LRRC37A: variants seen among roughly 807,000 people sequenced by gnomAD.
LRRC37A encodes leucine rich repeat containing 37A.
In LRRC37A, 3 loss-of-function variants were observed where a neutral mutation model predicts 35.4. That is an observed-to-expected ratio of 0.08 (90% confidence interval 0.04 to 0.22). LRRC37A has a LOEUF of 0.22. LRRC37A is among the 10% of genes least tolerant of loss of function. The pLI, the probability that LRRC37A is intolerant of heterozygous loss-of-function variation, is 1.00. For synonymous variants in LRRC37A, 23 were observed against 215.0 expected (o/e 0.11, Z 7.81); for missense variants, 67 against 565.3 (o/e 0.12, Z 8.94).
In LRRC37A at chr17:46,314,391, T is replaced by G. The variant is rs545083275; in HGVS notation, c.2907-7931T>G. On this transcript the variant is annotated intron_variant, in intron 5 of 13. Transcript: ENST00000320254. ...AGGTATTTGACATATTTTGCATCAA[T>G]TCTTATAATCGTGTGAGATGTAGGG... Among the ~76,000 whole-genome samples, 164 of 71,710 alleles carry G rather than the reference T, an allele frequency of 2.3e-3. 32 individuals are homozygous for G. The highest frequency in any genetic ancestry group is 5.7e-3 in the African/African-American group (155 of 27,316). 47.0% of individuals were successfully genotyped at this position (71,710 alleles called of 152,430 possible).
chr17:46,282,009 C>T, the LRRC37A span, among the ~76,000 whole-genome samples: 6 of 152,120 alleles, frequency 3.9e-5, no homozygotes, highest in Non-Finnish European at 7.4e-5. Flanking sequence ...TTCTTGCTTC[C>T]TTGCCTATAT....
chr17:46,269,033 A>G, the LRRC37A span, among the ~76,000 whole-genome samples: 2 of 152,228 alleles, frequency 1.3e-5, no homozygotes, highest in African/African-American at 4.8e-5. Context: ...TCCACAAAAC[A>G]TTTTCCTGAA....
the LRRC37A span, among the ~76,000 whole-genome samples, chr17:46,287,258 A>G: frequency 6.6e-6 from 1 of 152,270 alleles, no homozygotes; most frequent in Non-Finnish European, 1.5e-5. Flanking sequence ...ACTGATGGTA[A>G]TGTCTTCCTC....
the LRRC37A span, among the ~76,000 whole-genome samples, chr17:46,277,558 T>A: frequency 6.6e-6 from 1 of 152,214 alleles, no homozygotes. Flanking sequence ...TGTCCTACCT[T>A]AACTCCCTCT....
chr17:46,291,564 C>T (rs1189911981), upstream of LRRC37A, among the ~76,000 whole-genome samples: 1 of 151,438 alleles, frequency 6.6e-6, no homozygotes, highest in Non-Finnish European at 1.5e-5. Context: ...AAACAACACT[C>T]CTCTCACTCA....
the LRRC37A span, among the ~76,000 whole-genome samples, chr17:46,272,050 A>G: frequency 6.6e-6 from 1 of 152,262 alleles, no homozygotes; most frequent in Admixed American, 6.5e-5. Flanking sequence ...GTGAGCCACC[A>G]TGCCCAGCCA....
rs1362479757 is a variant in LRRC37A, at chr17:46,315,303, T to C, written c.2907-7019T>C. Among the ~76,000 whole-genome samples the C allele has an allele frequency of 5.7e-5, 5 of 87,238 alleles. 1 individual carries two copies. Among genetic ancestry groups the C allele is most frequent in the East Asian group, 2.4e-4 (1 of 4,160 alleles). The allele number at this position is 87,238 out of a possible 152,430, so 57.2% of individuals were successfully genotyped here. ...ACTTTGGGAGGCTGCGGTGGGAGGA[T>C]TGCTTGACCCCAGGAGTTCAAGGCC... is the stretch of plus-strand genomic sequence containing the variant. On this transcript the variant is annotated intron_variant, in intron 5 of 13. Coordinates refer to ENST00000320254, the Ensembl canonical transcript of LRRC37A.
the LRRC37A span, among the ~76,000 whole-genome samples, chr17:46,283,471 A>G: frequency 6.6e-6 from 1 of 152,258 alleles, no homozygotes; most frequent in Non-Finnish European, 1.5e-5. Context: ...GAGTCACTAC[A>G]TCAATGAACC....
the LRRC37A span, among the ~76,000 whole-genome samples, chr17:46,250,868 TCTC>T: frequency 2.0e-5 from 3 of 152,106 alleles, no homozygotes; most frequent in Non-Finnish European, 4.4e-5. Context: ...CCTTCCCCTT[TCTC>T]CTCTTCCTCT....
At chr17:46,253,445 C>T in the LRRC37A span, among the ~76,000 whole-genome samples, 4 of 152,152 alleles carry the variant, frequency 2.6e-5, no homozygotes, top group Non-Finnish European at 5.9e-5. Context: ...CCACTGCACT[C>T]CAGCCTGGGC....
chr17:46,260,762 T>A, the LRRC37A span, among the ~76,000 whole-genome samples: 5 of 152,162 alleles, frequency 3.3e-5, no homozygotes, highest in Admixed American at 3.3e-4. Context: ...TAGCTGGGAT[T>A]ACAGGCATGC....
chr17:46,271,334 T>A, the LRRC37A span, among the ~76,000 whole-genome samples: 2 of 72,344 alleles, frequency 2.8e-5, no homozygotes, highest in South Asian at 7.3e-4. Flanking sequence ...CCTAGCTAAT[T>A]TTTTTTTTTT....
chr17:46,255,354 C>T, the LRRC37A span, among the ~76,000 whole-genome samples: 1 of 150,494 alleles, frequency 6.6e-6, no homozygotes, highest in Non-Finnish European at 1.5e-5. Flanking sequence ...TTTGCATCCT[C>T]CCCAAATTCT....
At chr17:46,288,706 CTTTTTTTTT>C (rs199591277), upstream of LRRC37A, among the ~76,000 whole-genome samples, 1 of 139,072 alleles carries the variant, frequency 7.2e-6, no homozygotes, top group East Asian at 2.1e-4. Flanking sequence ...CTTGTTTTTT[CTTTTTTTTT>C]TTTTTTGAGA....
chr17:46,264,276 ATTATACAACAC>A, the LRRC37A span, among the ~76,000 whole-genome samples: 6 of 150,660 alleles, frequency 4.0e-5, no homozygotes, highest in Non-Finnish European at 7.4e-5. Context: ...CAAATTCTTT[ATTATACAACAC>A]ACAGTAGATG....
upstream of LRRC37A, among the ~76,000 whole-genome samples, chr17:46,292,331 C>A (rs1347356530): frequency 2.5e-4 from 17 of 69,268 alleles, 6 homozygotes; most frequent in African/African-American, 5.5e-4. Context: ...GACACTCTCT[C>A]GAGGAAAAAA....
At chr17:46,256,332 C>T in the LRRC37A span, among the ~76,000 whole-genome samples, 1 of 152,168 alleles carries the variant, frequency 6.6e-6, no homozygotes, top group East Asian at 1.9e-4. Context: ...TTGCAGTGAG[C>T]CCAGATCATG....
At chr17:46,268,772 C>T in the LRRC37A span, 64 of 1,079,728 alleles carry the variant, frequency 5.9e-5, no homozygotes, top group Non-Finnish European at 5.1e-5. Flanking sequence ...TGTAATGGGT[C>T]CTCCTTTAGA....
At chr17:46,278,411 TGTTGTTG>T in the LRRC37A span, among the ~76,000 whole-genome samples, 1 of 112,920 alleles carries the variant, frequency 8.9e-6, no homozygotes, top group Non-Finnish European at 2.3e-5. Flanking sequence ...GTTTTTTTTT[TGTTGTTG>T]TTTTAAGATG....
Sources: gnomAD v4.1 joint callset for allele counts (sites outside exome capture counted in the v4.1 genomes callset) on GRCh38, gnomAD v4.1.1 for gene constraint, MANE v1.5 for transcripts, NCBI Gene and HGNC (gene_info 2026-07-23, HGNC 2026-07-21) for gene names.